NBPF3: variants seen among roughly 807,000 people sequenced by gnomAD.
The protein encoded by NBPF3 is NBPF member 3.
NBPF3 carries 57 observed loss-of-function variants against 78.1 expected under a neutral mutation model. That is an observed-to-expected ratio of 0.73 (90% CI 0.59 to 0.91). The LOEUF (loss-of-function observed/expected upper bound fraction) is 0.91. Among genes scored for constraint, NBPF3 ranks in the 40% least tolerant of loss-of-function variants. The pLI, the probability that NBPF3 is intolerant of heterozygous loss-of-function variation, is 0.00. For missense variants in NBPF3, 510 were observed against 715.3 expected, an observed-to-expected ratio of 0.71 and a Z score of 3.27; for synonymous variants, 182 against 271.7, an observed-to-expected ratio of 0.67 and a Z score of 3.25.
chr1:21,483,227 C>G lies in NBPF3; in HGVS notation c.1743C>G (p.Tyr581Ter). 1 of 1,539,794 alleles carries G rather than the reference C, an allele frequency of 6.5e-7. No homozygotes were observed. The highest frequency in any genetic ancestry group is 8.8e-7 in the Non-Finnish European group (1 of 1,139,698). The change falls in exon 15 of 15, where the codon TAC (tyrosine) becomes TAG (stop). Residue 581 changes from tyrosine (Y) to a stop codon, truncating the protein, a stop_gained. Coordinates refer to ENST00000318249, the MANE Select transcript of NBPF3 (RefSeq NM_032264.6). LOFTEE classifies it low-confidence loss of function (END_TRUNC). ...GATGTTATTCGACTACTTCAACTTA[C>G]TTTCAACTACATGCCTCATTCCAGC... ...LDRCYSTTST[Y>*]FQLHASFQQY...
intron 1 of NBPF3, among the ~76,000 whole-genome samples, chr1:21,443,221 G>C (rs1160331028): frequency 6.6e-6 from 1 of 152,178 alleles, no homozygotes; most frequent in Non-Finnish European, 1.5e-5. Context: ...AGAGCAGATG[G>C]AGTCATAGGT....
At chr1:21,462,933 A>G (rs1642031535) in intron 2 of NBPF3, among the ~76,000 whole-genome samples, 2 of 152,244 alleles carry the variant, frequency 1.3e-5, no homozygotes, top group South Asian at 2.1e-4. Context: ...AGTTGCTAAG[A>G]ATATATTGAC....
intron 2 of NBPF3, among the ~76,000 whole-genome samples, chr1:21,467,520 C>G (rs747756297): frequency 6.6e-6 from 1 of 152,168 alleles, no homozygotes; most frequent in African/African-American, 2.4e-5. Flanking sequence ...TTGATCTTGC[C>G]ATGTTCTGTT....
intron 2 of NBPF3, among the ~76,000 whole-genome samples, chr1:21,448,105 G>A (rs1641094732): frequency 6.6e-6 from 1 of 151,990 alleles, no homozygotes; most frequent in Admixed American, 6.6e-5. Context: ...TCTCTTGACA[G>A]TGTCTTTCAC....
chr1:21,441,686 G>A (rs1230612277), intron 1 of NBPF3, among the ~76,000 whole-genome samples: 2 of 149,714 alleles, frequency 1.3e-5, no homozygotes, highest in African/African-American at 2.5e-5. Context: ...CGACCTGGAT[G>A]GCAGAGTGAG....
chr1:21,457,532 AG>A (rs891803157), intron 2 of NBPF3, among the ~76,000 whole-genome samples: 6 of 152,172 alleles, frequency 3.9e-5, no homozygotes, highest in African/African-American at 1.4e-4. Flanking sequence ...GCATAGGAAA[AG>A]ATGCTCTACT....
At chr1:21,444,649 C>T (rs1265780885) in intron 1 of NBPF3, among the ~76,000 whole-genome samples, 2 of 152,142 alleles carry the variant, frequency 1.3e-5, no homozygotes, top group East Asian at 1.9e-4. Flanking sequence ...ATCCTCCTGC[C>T]TCAGCCTAAG....
chr1:21,473,320 C>T (rs1570071003), intron 6 of NBPF3, 60 bp from the exon 7 acceptor site: 2 of 1,575,278 alleles, frequency 1.3e-6, no homozygotes, highest in East Asian at 4.5e-5. Context: ...CTAGCACTCC[C>T]TGGTGTCCAA....
Position 21,476,819 on chromosome 1 carries a change from GC to G in NBPF3, c.993-1323del, listed in dbSNP as rs1211915842. ...CTGTATTTCCTGAATTTGAATGTTG[GC>G]CTGCTTTGCTAGGTTGGGGAAGTTC... On this transcript the variant is annotated intron_variant, in intron 8 of 14. Transcript: ENST00000318249. This position sits in a 1 kb window ranked among gnomAD's most constrained non-coding sequence, Gnocchi z 4.1. Among the ~76,000 whole-genome samples, 2 of 152,116 alleles carry G rather than the reference GC, an allele frequency of 1.3e-5. No homozygotes were observed. The highest frequency in any genetic ancestry group is 1.5e-5 in the Non-Finnish European group (1 of 68,018).
At chr1:21,478,011 T>C (rs1159268632) in intron 8 of NBPF3, 133 bp from the exon 9 acceptor site, 1 of 1,590,124 alleles carries the variant, frequency 6.3e-7, no homozygotes, top group East Asian at 2.2e-5. Context: ...TAGTTTTATT[T>C]CTCTTGAAGG....
intron 13 of NBPF3, among the ~76,000 whole-genome samples, chr1:21,482,238 A>G (rs533860690): frequency 1.4e-5 from 2 of 147,390 alleles, no homozygotes; most frequent in East Asian, 3.9e-4. Flanking sequence ...CGTTTGCACA[A>G]ACTTGGGACA....
intron 1 of NBPF3, among the ~76,000 whole-genome samples, chr1:21,444,043 A>T (rs546509893): frequency 1.3e-5 from 2 of 152,226 alleles, no homozygotes; most frequent in Non-Finnish European, 2.9e-5. Context: ...CTGATTTTCA[A>T]TATAAGCTAC....
chr1:21,457,201 T>C (rs2147938162), intron 2 of NBPF3, among the ~76,000 whole-genome samples: 1 of 151,842 alleles, frequency 6.6e-6, no homozygotes, highest in East Asian at 1.9e-4. Context: ...TGTATGTGTG[T>C]GGGTGGGTGT....
intron 2 of NBPF3, among the ~76,000 whole-genome samples, chr1:21,459,410 T>G (rs1417614002): frequency 6.6e-6 from 1 of 152,140 alleles, no homozygotes; most frequent in Non-Finnish European, 1.5e-5. Context: ...TGACCACATA[T>G]GTAGTTATTT....
intron 2 of NBPF3, among the ~76,000 whole-genome samples, chr1:21,452,076 A>G (rs1484865014): frequency 6.6e-6 from 1 of 152,234 alleles, no homozygotes; most frequent in African/African-American, 2.4e-5. Flanking sequence ...TTTTCTAAAC[A>G]TTCTTTAGAT....
At chr1:21,448,994 T>C (rs768291522) in intron 2 of NBPF3, among the ~76,000 whole-genome samples, 2 of 152,224 alleles carry the variant, frequency 1.3e-5, no homozygotes, top group Non-Finnish European at 2.9e-5. Flanking sequence ...AAGTCAGCCA[T>C]TGTCCACGTA....
chr1:21,470,316 C>T (rs995273944), intron 3 of NBPF3, among the ~76,000 whole-genome samples: 2 of 152,220 alleles, frequency 1.3e-5, no homozygotes, highest in African/African-American at 2.4e-5. Flanking sequence ...AGAGGAGAGG[C>T]TGCAAGGCTT....
intron 2 of NBPF3, among the ~76,000 whole-genome samples, chr1:21,452,999 C>T (rs1377524145): frequency 3.3e-5 from 5 of 152,156 alleles, no homozygotes; most frequent in Admixed American, 2.6e-4. Context: ...TGAGCACAGA[C>T]TTTGGAATAT....
chr1:21,466,847 A>C (rs1642298601), intron 2 of NBPF3: 1 of 276,858 alleles, frequency 3.6e-6, no homozygotes, highest in Admixed American at 6.5e-5. Context: ...ATGAAGATAC[A>C]ATGTCCAAAT....
Sources: allele counts gnomAD v4.1 joint callset (sites outside exome capture counted in the v4.1 genomes callset), GRCh38; gene constraint gnomAD v4.1.1; non-coding constraint Gnocchi (gnomAD v3.1); transcripts MANE v1.5; gene names NCBI Gene and HGNC (gene_info 2026-07-23, HGNC 2026-07-21).